The following CHST8 variants were observed in gnomAD, a reference collection of about 807,000 sequenced individuals.
CHST8 encodes the protein carbohydrate sulfotransferase 8.
In CHST8, 10 loss-of-function variants were observed where a neutral mutation model predicts 15.0. The ratio of observed to expected loss-of-function variants is 0.67; its 90% CI spans 0.41 to 1.13. The LOEUF (loss-of-function observed/expected upper bound fraction) is 1.13, where lower values mean the gene tolerates loss of function less well. CHST8 is among the 50% of genes most tolerant of loss of function. The pLI is 0.00. For synonymous variants in CHST8, 259 were observed against 256.6 expected (o/e 1.01, Z -0.09); for missense variants, 634 against 608.2 (o/e 1.04, Z -0.45).
At chr19:33,728,486 C>A (rs1241912900) in intron 3 of CHST8, among the ~76,000 whole-genome samples, 1 of 152,188 alleles carries the variant, frequency 6.6e-6, no homozygotes, top group African/African-American at 2.4e-5. Flanking sequence ...AACACAGTGC[C>A]AGCAATGCCA....
intron 3 of CHST8, among the ~76,000 whole-genome samples, chr19:33,709,511 G>A (rs1973509381): frequency 6.6e-6 from 1 of 152,048 alleles, no homozygotes; most frequent in Admixed American, 6.6e-5. Flanking sequence ...CTGTCAAAAC[G>A]GTGTATTATA....
chr19:33,698,713 T>C (rs1973271723), intron 3 of CHST8, among the ~76,000 whole-genome samples: 1 of 152,148 alleles, frequency 6.6e-6, no homozygotes, highest in East Asian at 1.9e-4. Context: ...AGGTTCCATT[T>C]GGGGCTTATG....
At chr19:33,691,922 G>T (rs1202521789) in intron 3 of CHST8, among the ~76,000 whole-genome samples, 1 of 152,226 alleles carries the variant, frequency 6.6e-6, no homozygotes, top group Non-Finnish European at 1.5e-5. Flanking sequence ...TCTGGGAGCT[G>T]CAGTTTGTGG....
At chr19:33,713,096 CA>C (rs1237536454) in intron 3 of CHST8, among the ~76,000 whole-genome samples, 2 of 152,116 alleles carry the variant, frequency 1.3e-5, no homozygotes, top group Non-Finnish European at 2.9e-5. Context: ...CAGCCATAGG[CA>C]ACCCCAGCCT....
chr19:33,673,942 C>T (rs777274941), intron 2 of CHST8, among the ~76,000 whole-genome samples: 17 of 152,060 alleles, frequency 1.1e-4, no homozygotes, highest in Non-Finnish European at 1.9e-4. Context: ...TTAGTAGATA[C>T]GGGGTTTCGC....
intron 1 of CHST8, among the ~76,000 whole-genome samples, chr19:33,639,085 C>CAAAAA: frequency 1.2e-5 from 1 of 81,220 alleles, no homozygotes; most frequent in Non-Finnish European, 2.3e-5. Context: ...GTGATCCTGA[C>CAAAAA]CAAAAAAAAA....
At chr19:33,751,439 A>G (rs1005489067) in intron 3 of CHST8, among the ~76,000 whole-genome samples, 4 of 152,260 alleles carry the variant, frequency 2.6e-5, no homozygotes, top group African/African-American at 7.2e-5. Flanking sequence ...GCCAGTGAGC[A>G]GGCATAGGTA....
At chr19:33,625,581 G>A (rs1260638750) in intron 1 of CHST8, among the ~76,000 whole-genome samples, 1 of 152,110 alleles carries the variant, frequency 6.6e-6, no homozygotes, top group East Asian at 1.9e-4. Flanking sequence ...TAAAAGATCG[G>A]CCAGGCACGG....
At chr19:33,769,612 G>A (rs1203154071) in intron 3 of CHST8, among the ~76,000 whole-genome samples, 1 of 152,062 alleles carries the variant, frequency 6.6e-6, no homozygotes, top group East Asian at 1.9e-4. Context: ...AGGAGGGGGT[G>A]GCTGTCAAGG....
At chr19:33,771,901 C>T in intron 4 of CHST8, 56 bp from the exon 5 acceptor site, 1 of 1,513,870 alleles carries the variant, frequency 6.6e-7, no homozygotes, top group Non-Finnish European at 8.8e-7. Flanking sequence ...ACCTGTGTGG[C>T]CCTCAGTGCC....
chr19:33,759,199 C>T (rs1419710316), intron 3 of CHST8, among the ~76,000 whole-genome samples: 1 of 152,236 alleles, frequency 6.6e-6, no homozygotes, highest in Non-Finnish European at 1.5e-5. Flanking sequence ...AATGTCCAAA[C>T]TACATCAAGA....
chr19:33,634,835 C>A (rs920926406), intron 1 of CHST8, among the ~76,000 whole-genome samples: 2 of 152,090 alleles, frequency 1.3e-5, no homozygotes, highest in Non-Finnish European at 2.9e-5. Flanking sequence ...GCTGACTTGG[C>A]GGGGACTCGT....
At chr19:33,640,530 A>G (rs1223573952) in intron 1 of CHST8, among the ~76,000 whole-genome samples, 1 of 152,096 alleles carries the variant, frequency 6.6e-6, no homozygotes, top group African/African-American at 2.4e-5. Context: ...TATGTTTTTA[A>G]TTTCTCCTGC....
At chr19:33,686,535 C>T (rs559876128) in intron 2 of CHST8, among the ~76,000 whole-genome samples, 4 of 152,340 alleles carry the variant, frequency 2.6e-5, no homozygotes, top group South Asian at 2.1e-4. Flanking sequence ...GATGATCACA[C>T]ATGCTCCCGA....
intron 3 of CHST8, among the ~76,000 whole-genome samples, chr19:33,749,508 T>G (rs1396542509): frequency 2.7e-5 from 4 of 146,706 alleles, no homozygotes; most frequent in Non-Finnish European, 3.0e-5. Flanking sequence ...GCCGATGCTA[T>G]GAGCTCTTCA....
chr19:33,724,815 G>C (rs997541082), intron 3 of CHST8, among the ~76,000 whole-genome samples: 11 of 152,180 alleles, frequency 7.2e-5, no homozygotes, highest in African/African-American at 2.4e-4. Flanking sequence ...GTCCCCAGCT[G>C]CTCCACCTCT....
At chr19:33,710,577 A>C (rs1234658917) in intron 3 of CHST8, among the ~76,000 whole-genome samples, 1 of 152,206 alleles carries the variant, frequency 6.6e-6, no homozygotes, top group East Asian at 1.9e-4. Context: ...TCTGATTTCC[A>C]GATCTTCTTA....
chr19:33,701,391 G>A (rs1973334164), intron 3 of CHST8, among the ~76,000 whole-genome samples: 1 of 152,130 alleles, frequency 6.6e-6, no homozygotes, highest in Admixed American at 6.5e-5. Flanking sequence ...TGAGCATGTA[G>A]GAAGTAATAA....
intron 3 of CHST8, among the ~76,000 whole-genome samples, chr19:33,755,117 G>GC (rs1051017070): frequency 2.6e-5 from 4 of 152,170 alleles, no homozygotes; most frequent in African/African-American, 9.7e-5. Context: ...TCAGGATGGT[G>GC]CCTTCCTGTG....
Sources: allele counts gnomAD v4.1 joint callset (sites outside exome capture counted in the v4.1 genomes callset), GRCh38; gene constraint gnomAD v4.1.1; transcripts MANE v1.5; gene names NCBI Gene and HGNC (gene_info 2026-07-23, HGNC 2026-07-21).